Variants in DAB1 observed in about 807,000 individuals in gnomAD.
DAB1 encodes disabled homolog 1.
In DAB1, 15 loss-of-function variants were observed where a neutral mutation model predicts 64.6. The observed-to-expected ratio is 0.23, with a 90% CI of 0.16 to 0.36. The LOEUF is 0.36. Among genes scored for constraint, DAB1 ranks in the 10% least tolerant of loss-of-function variants. The pLI is 1.00. For missense variants in DAB1, 596 were observed against 706.7 expected (o/e 0.84, Z 1.78); for synonymous variants, 235 against 251.9 (o/e 0.93, Z 0.64).
At chr1:57,776,484 AT>A (rs140750077) in intron 6 of DAB1, among the ~76,000 whole-genome samples, 7,046 of 151,732 alleles carry the variant, frequency 0.046, 253 homozygotes, top group South Asian at 0.075. Flanking sequence ...CTGTCATGCT[AT>A]TTGTTTCCAT....
intron 7 of DAB1, among the ~76,000 whole-genome samples, chr1:57,540,278 C>T (rs1644786131): frequency 1.3e-5 from 2 of 151,994 alleles, no homozygotes; most frequent in African/African-American, 4.8e-5. Context: ...TGGTTATTAT[C>T]AAAGAGACAA....
intron 4 of DAB1, among the ~76,000 whole-genome samples, chr1:58,287,068 A>G (rs1458848022): frequency 6.6e-6 from 1 of 152,254 alleles, no homozygotes; most frequent in African/African-American, 2.4e-5. Context: ...TAATGCAGGA[A>G]CAGAAAACAA....
At chr1:57,365,397 T>C (rs1679914546) in intron 1 of DAB1, among the ~76,000 whole-genome samples, 1 of 145,204 alleles carries the variant, frequency 6.9e-6, no homozygotes, top group African/African-American at 2.5e-5. Context: ...CATATAAATA[T>C]ATATAAAGAA....
intron 4 of DAB1, among the ~76,000 whole-genome samples, chr1:58,312,979 G>A (rs1445324716): frequency 6.6e-6 from 1 of 152,148 alleles, no homozygotes; most frequent in Non-Finnish European, 1.5e-5. Context: ...TACAGGAAGT[G>A]CAATGTTAAA....
At chr1:58,468,485 G>A (rs1172598046) in intron 3 of DAB1, 1 of 152,180 alleles carries the variant, frequency 6.6e-6, no homozygotes, top group Non-Finnish European at 1.5e-5. Flanking sequence ...TGAGAGACAT[G>A]TGGGCTGAAA....
chr1:58,378,984 A>C, intron 3 of DAB1, among the ~76,000 whole-genome samples: 1 of 143,648 alleles, frequency 7.0e-6, no homozygotes. Flanking sequence ...CGGAAAGGGA[A>C]CTCCCTGACC....
intron 9 of DAB1, among the ~76,000 whole-genome samples, chr1:57,027,578 C>G (rs1557578990): frequency 6.6e-6 from 1 of 152,190 alleles, no homozygotes; most frequent in Non-Finnish European, 1.5e-5. Context: ...TATTTGGATT[C>G]TACCACTTTC....
chr1:58,290,010 C>T (rs1661776477), intron 4 of DAB1, among the ~76,000 whole-genome samples: 2 of 152,236 alleles, frequency 1.3e-5, no homozygotes, highest in Admixed American at 1.3e-4. Context: ...AAGAAAGAAA[C>T]TCATATGTTT....
intron 4 of DAB1, among the ~76,000 whole-genome samples, chr1:57,110,740 T>C (rs1465468508): frequency 6.6e-6 from 1 of 152,136 alleles, no homozygotes. Flanking sequence ...ATTGACTCCT[T>C]GCTATAAACT....
At chr1:58,227,761 T>C (rs1316335537) in intron 4 of DAB1, among the ~76,000 whole-genome samples, 1 of 152,184 alleles carries the variant, frequency 6.6e-6, no homozygotes, top group African/African-American at 2.4e-5. Flanking sequence ...CGGTCTCAGC[T>C]CTTCCACTCA....
chr1:57,102,495 T>C (rs1016132928), intron 4 of DAB1, among the ~76,000 whole-genome samples: 5 of 152,202 alleles, frequency 3.3e-5, no homozygotes, highest in Non-Finnish European at 5.9e-5. Context: ...TGATACTAAA[T>C]TTGCACTTGC....
intron 3 of DAB1, among the ~76,000 whole-genome samples, chr1:58,422,544 C>T (rs1389586744): frequency 2.0e-5 from 3 of 152,098 alleles, no homozygotes; most frequent in African/African-American, 7.2e-5. Flanking sequence ...TGTAATCCAC[C>T]TTCATGGTCA....
intron 9 of DAB1, among the ~76,000 whole-genome samples, chr1:57,051,482 T>C (rs1649183065): frequency 6.6e-6 from 1 of 152,204 alleles, no homozygotes; most frequent in Non-Finnish European, 1.5e-5. Context: ...GTCCAGAGAA[T>C]TCTTGCAATT....
At chr1:57,306,052 T>C (rs1018093438) in intron 1 of DAB1, among the ~76,000 whole-genome samples, 1 of 152,036 alleles carries the variant, frequency 6.6e-6, no homozygotes, top group East Asian at 1.9e-4. Flanking sequence ...TGCTAAGCAG[T>C]GTATACATTC....
intron 6 of DAB1, among the ~76,000 whole-genome samples, chr1:57,754,533 A>G (rs1392443366): frequency 6.6e-6 from 1 of 152,044 alleles, no homozygotes; most frequent in African/African-American, 2.4e-5. Flanking sequence ...TAAAAATGCA[A>G]AAATTAGGCG....
intron 6 of DAB1, among the ~76,000 whole-genome samples, chr1:57,684,966 T>C (rs1375458300): frequency 6.6e-6 from 1 of 151,960 alleles, no homozygotes; most frequent in Non-Finnish European, 1.5e-5. Context: ...TTTTCTTTTT[T>C]TTTTTGAGAT....
At chr1:57,137,443 T>G (rs1038139859) in intron 3 of DAB1, among the ~76,000 whole-genome samples, 1 of 152,180 alleles carries the variant, frequency 6.6e-6, no homozygotes. Context: ...TCCAGAGTCC[T>G]CCAAAGTTGA....
chr1:57,855,607 G>A (rs1027367447), intron 1 of DAB1, among the ~76,000 whole-genome samples: 6 of 152,130 alleles, frequency 3.9e-5, no homozygotes, highest in Non-Finnish European at 5.9e-5. Context: ...AATACCTGGG[G>A]GCAAAGAAAC....
At chr1:58,513,267 G>C (rs952298524) in intron 2 of DAB1, among the ~76,000 whole-genome samples, 7 of 152,118 alleles carry the variant, frequency 4.6e-5, no homozygotes, top group Non-Finnish European at 8.8e-5. Context: ...AGACATACCT[G>C]CTTCCCCTTC....
Sources: allele counts gnomAD v4.1 joint callset (sites outside exome capture counted in the v4.1 genomes callset), GRCh38; gene constraint gnomAD v4.1.1; transcripts MANE v1.5; gene names NCBI Gene and HGNC (gene_info 2026-07-23, HGNC 2026-07-21).